Variants in CDKAL1 observed in about 807,000 individuals in gnomAD.
The protein encoded by CDKAL1 is threonylcarbamoyladenosine tRNA methylthiotransferase.
CDKAL1 carries 32 observed loss-of-function variants against 68.2 expected under a neutral mutation model. That is an observed-to-expected ratio of 0.47 (90% CI 0.35 to 0.63). CDKAL1 has a LOEUF of 0.63. CDKAL1 is among the 30% of genes least tolerant of loss of function. CDKAL1 has a pLI of 0.00. For missense variants in CDKAL1, 606 were observed against 696.7 expected (o/e 0.87, Z 1.47); for synonymous variants, 234 against 244.3 (o/e 0.96, Z 0.39).
At chr6:20,811,627 G>A (rs183081775) in intron 8 of CDKAL1, among the ~76,000 whole-genome samples, 1 of 152,208 alleles carries the variant, frequency 6.6e-6, no homozygotes, top group Non-Finnish European at 1.5e-5. Context: ...CCAGAATTCA[G>A]CATTATGGCA....
chr6:20,719,743 A>G (rs973181544), intron 5 of CDKAL1, among the ~76,000 whole-genome samples: 8 of 152,310 alleles, frequency 5.3e-5, no homozygotes, highest in South Asian at 4.1e-4. Flanking sequence ...TCAAGAAATG[A>G]AACATTGCCA....
At chr6:21,219,084 T>A (rs1779441670) in intron 15 of CDKAL1, among the ~76,000 whole-genome samples, 1 of 151,842 alleles carries the variant, frequency 6.6e-6, no homozygotes. Context: ...ACTTTGGGAG[T>A]GATAGGAAAA....
intron 9 of CDKAL1, among the ~76,000 whole-genome samples, chr6:20,904,729 C>T (rs186041661): frequency 2.0e-5 from 3 of 151,640 alleles, no homozygotes; most frequent in East Asian, 1.9e-4. Context: ...GCGGAGGTTG[C>T]GGCGAGCCGA....
intron 4 of CDKAL1, among the ~76,000 whole-genome samples, chr6:20,570,139 C>G (rs987273735): frequency 6.6e-6 from 1 of 152,088 alleles, no homozygotes; most frequent in Non-Finnish European, 1.5e-5. Context: ...GACGGAGTCT[C>G]TGTCGCCAGG....
At chr6:20,986,993 G>T (rs1033074455) in intron 10 of CDKAL1, among the ~76,000 whole-genome samples, 1 of 152,144 alleles carries the variant, frequency 6.6e-6, no homozygotes, top group Admixed American at 6.5e-5. Context: ...TGTAAAATAG[G>T]AAGTATTTTG....
rs529036863 is a variant in CDKAL1, at chr6:20,752,977, C to T, written c.469-5618C>T. 8.3e-4 allele frequency among the ~76,000 whole-genome samples: 127 copies of T among 152,168 alleles called. 1 individual carries two copies. The highest frequency in any genetic ancestry group is 2.9e-3 in the African/African-American group (119 of 41,504). On this transcript the variant is annotated intron_variant, in intron 6 of 15. Transcript: ENST00000274695. ...TGACATTGGAACCTTTGACCACTCCCAACGTTTTTTTTCTTTTTGGTAATA... is the reference window on the plus strand; with the variant it reads ...TGACATTGGAACCTTTGACCACTCCTAACGTTTTTTTTCTTTTTGGTAATA...
chr6:20,705,027 A>C (rs1040479490), intron 5 of CDKAL1, among the ~76,000 whole-genome samples: 6 of 152,352 alleles, frequency 3.9e-5, no homozygotes, highest in East Asian at 1.9e-4. Flanking sequence ...AAAGGGGAGA[A>C]TAGAAGTAGA....
chr6:20,644,692 C>T (rs1037731794), intron 4 of CDKAL1, among the ~76,000 whole-genome samples: 2 of 142,050 alleles, frequency 1.4e-5, no homozygotes, highest in Non-Finnish European at 3.1e-5. Flanking sequence ...AACAAAAACA[C>T]AACAAAAAAA....
At chr6:21,169,926 C>CCG (rs927172978) in intron 13 of CDKAL1, among the ~76,000 whole-genome samples, 2 of 131,078 alleles carry the variant, frequency 1.5e-5, no homozygotes, top group African/African-American at 5.9e-5. Context: ...GAAAGACCCC[C>CCG]CCCACCCCAT....
At chr6:21,092,382 A>G (rs1310503854) in intron 12 of CDKAL1, among the ~76,000 whole-genome samples, 1 of 151,628 alleles carries the variant, frequency 6.6e-6, no homozygotes, top group African/African-American at 2.4e-5. Flanking sequence ...CCCCACAGGC[A>G]TTAGGTATTT....
At chr6:20,855,442 C>CAAAAA (rs145448785) in intron 9 of CDKAL1, among the ~76,000 whole-genome samples, 7 of 64,640 alleles carry the variant, frequency 1.1e-4, no homozygotes, top group African/African-American at 2.0e-4. Context: ...GACTCCGTCT[C>CAAAAA]AAAAAAAAAA....
rs9460547 is a variant in CDKAL1, at chr6:20,683,039, T to G, written c.371+33662T>G. Among the ~76,000 whole-genome samples the G allele has an allele frequency of 9.7e-3, 1,475 of 151,770 alleles. 16 individuals are homozygous for G. Among genetic ancestry groups the G allele is most frequent in the African/African-American group, 0.033 (1,364 of 41,418 alleles). ...TTTCACAGGTGCAAGCATAGCACCC[T>G]GTAGCCTTGAACTCCTGGGCTCAAG... On this transcript the variant is annotated intron_variant, in intron 5 of 15. Transcript: ENST00000274695.
chr6:20,766,372 T>C (rs1157398664), intron 7 of CDKAL1, among the ~76,000 whole-genome samples: 1 of 152,190 alleles, frequency 6.6e-6, no homozygotes, highest in African/African-American at 2.4e-5. Flanking sequence ...TTTCACATAA[T>C]ACACTGTTAT....
At chr6:20,543,900 C>A (rs1763484407) in intron 2 of CDKAL1, among the ~76,000 whole-genome samples, 1 of 151,824 alleles carries the variant, frequency 6.6e-6, no homozygotes, top group Admixed American at 6.6e-5. Context: ...ACACACTCAG[C>A]TAATTTTTTG....
At chr6:20,697,236 A>G (rs1581401834) in intron 5 of CDKAL1, among the ~76,000 whole-genome samples, 1 of 152,200 alleles carries the variant, frequency 6.6e-6, no homozygotes, top group Admixed American at 6.5e-5. Context: ...TGAGCAAACC[A>G]TTAGTATTTC....
chr6:21,227,052 G>C (rs1003840573), intron 15 of CDKAL1, among the ~76,000 whole-genome samples: 3 of 152,214 alleles, frequency 2.0e-5, no homozygotes, highest in Admixed American at 6.5e-5. Context: ...TTTGGTGTAT[G>C]ATACTTTGAG....
At chr6:20,929,226 C>A (rs1199830038) in intron 9 of CDKAL1, among the ~76,000 whole-genome samples, 2 of 152,164 alleles carry the variant, frequency 1.3e-5, no homozygotes, top group East Asian at 3.8e-4. Context: ...CACATGGTGC[C>A]AAGAGATGAC....
chr6:20,598,344 A>G (rs1022574285), intron 4 of CDKAL1, among the ~76,000 whole-genome samples: 1 of 152,220 alleles, frequency 6.6e-6, no homozygotes, highest in African/African-American at 2.4e-5. Context: ...TTAATATTAC[A>G]TACCAATTTT....
At chr6:20,562,524 A>C (rs1329991190) in intron 4 of CDKAL1, among the ~76,000 whole-genome samples, 1 of 152,032 alleles carries the variant, frequency 6.6e-6, no homozygotes, top group Non-Finnish European at 1.5e-5. Context: ...GGATCACTTG[A>C]GGTTAGGAGT....
Sources: gnomAD v4.1 joint callset for allele counts (sites outside exome capture counted in the v4.1 genomes callset) on GRCh38, gnomAD v4.1.1 for gene constraint, MANE v1.5 for transcripts, NCBI Gene and HGNC (gene_info 2026-07-23, HGNC 2026-07-21) for gene names.